The following MAT2B variants were observed in gnomAD, a reference collection of about 807,000 sequenced individuals.
The protein encoded by MAT2B is methionine adenosyltransferase 2 subunit beta.
Under a neutral mutation model 36.1 loss-of-function variants are expected in MAT2B, and 16 were observed. The ratio of observed to expected loss-of-function variants is 0.44; its 90% CI spans 0.30 to 0.67. The LOEUF (loss-of-function observed/expected upper bound fraction) is 0.67, where lower values mean the gene tolerates loss of function less well. Among genes scored for constraint, MAT2B ranks in the 30% least tolerant of loss-of-function variants. The pLI is 0.09. For synonymous variants in MAT2B, 148 were observed against 136.9 expected, an observed-to-expected ratio of 1.08 and a Z score of -0.57; for missense variants, 332 against 398.2, an observed-to-expected ratio of 0.83 and a Z score of 1.42.
chr5:163,503,702 G>T (rs1486002654), upstream of MAT2B, among the ~76,000 whole-genome samples: 3 of 152,134 alleles, frequency 2.0e-5, no homozygotes, highest in African/African-American at 7.2e-5. Flanking sequence ...TGTATATAAA[G>T]TTTCTACATA....
chr5:163,513,686 A>C lies in MAT2B; in HGVS notation c.373+17A>C. The C allele has an allele frequency of 6.3e-7, 1 of 1,590,848 alleles. No individual in the cohort carries two copies. The highest frequency in any genetic ancestry group is 8.6e-7 in the Non-Finnish European group (1 of 1,161,864). ...AGGAAGCAGGTAATGATGACTTTAT[A>C]AAATTTTCATAAAATATTAAGTGAT... On this transcript the variant is annotated intron_variant, in intron 3 of 6. Transcript: ENST00000321757.
At chr5:163,518,068 T>A in intron 6 of MAT2B, 125 bp from the exon 7 acceptor site, 1 of 639,208 alleles carries the variant, frequency 1.6e-6, no homozygotes, top group Non-Finnish European at 2.6e-6. Flanking sequence ...GCCTGGGCAA[T>A]GGAGGGAGAT....
intron 6 of MAT2B, chr5:163,517,964 T>G (rs575258882): frequency 2.0e-6 from 1 of 506,828 alleles, no homozygotes; most frequent in African/African-American, 1.9e-5. Context: ...ATATAAAACC[T>G]CAAAATGGCC....
In MAT2B at chr5:163,514,660, T is replaced by C. The variant is rs147215547; in HGVS notation, c.526+666T>C. ...GCATTTTAGTACACATGGAACCTAC[T>C]CTGGGATATCTTACTCCTATCAGTG... On this transcript the variant is annotated intron_variant, in intron 4 of 6. Coordinates refer to ENST00000321757, the MANE Select transcript of MAT2B (RefSeq NM_013283.5). Among the ~76,000 whole-genome samples, 355 of 152,290 alleles carry C rather than the reference T, an allele frequency of 2.3e-3. 2 individuals carry two copies. The highest frequency in any genetic ancestry group is 8.0e-3 in the African/African-American group (331 of 41,552).
rs192771488 is a variant in MAT2B, at chr5:163,518,329, T to A, written c.971T>A (p.Ile324Asn). The A allele has an allele frequency of 1.2e-6, 2 of 1,613,214 alleles. No homozygotes were observed. The highest frequency in any genetic ancestry group is 1.7e-6 in the Non-Finnish European group (2 of 1,179,650). Reference protein sequence around the residue: ...GIKESLWPFLIDKRWRQTVFH With the variant: ...GIKESLWPFLNDKRWRQTVFH Reference sequence around the variant, plus strand: ...AAAGAATCACTTTGGCCTTTCCTCATTGACAAGAGATGGAGACAAACGGTC... The same window carrying A: ...AAAGAATCACTTTGGCCTTTCCTCAATGACAAGAGATGGAGACAAACGGTC... The change falls in exon 7 of 7, where the codon ATT (isoleucine) becomes AAT (asparagine). Residue 324 changes from isoleucine (I) to asparagine (N), a missense_variant. Transcript: ENST00000321757.
rs879026876 is a variant in MAT2B at position 163,517,247 on chromosome 5, A to C, written c.721-314A>C. The C allele has an allele frequency of 1.5e-5, 3 of 201,006 alleles. No homozygotes were observed. In the South Asian group the frequency reaches 4.0e-4, roughly 27 times the overall value. 12.5% of individuals were successfully genotyped at this position (201,006 alleles called of 1,614,324 possible). A position where few individuals can be genotyped will look rare whatever the true frequency, so the allele number is the denominator to read the frequency against. The stretch of plus-strand genomic sequence containing the variant: ...TTTTTGTTGTAGCTTGGGATAATTA[A>C]AAATACTCATTAAATTGTACTGTTT... On this transcript the variant is annotated intron_variant, in intron 5 of 6. Coordinates refer to ENST00000321757, the MANE Select transcript of MAT2B (RefSeq NM_013283.5).
chr5:163,515,166 A>G (rs994196192), intron 4 of MAT2B, among the ~76,000 whole-genome samples: 2 of 152,254 alleles, frequency 1.3e-5, no homozygotes, highest in Non-Finnish European at 2.9e-5. Context: ...AAGTTTCAAC[A>G]TGAATTTTTG....
intron 1 of MAT2B, among the ~76,000 whole-genome samples, chr5:163,506,860 A>G (rs1178773468): frequency 2.0e-5 from 3 of 152,250 alleles, no homozygotes; most frequent in Admixed American, 2.0e-4. Flanking sequence ...ATTAAAAATG[A>G]AACAACGAAG....
upstream of MAT2B, chr5:163,503,514 T>C: frequency 8.2e-7 from 1 of 1,212,590 alleles, no homozygotes; most frequent in South Asian, 1.2e-5. Context: ...ACCAGAATTG[T>C]TGTGTAAAGA....
rs1760054744 is a variant in MAT2B at position 163,512,005 on chromosome 5, G to A, written c.67G>A (p.Glu23Lys). ...VPGSCRLVEE[E>K]VNIPNRRVLV... ...TCTATCCGCCTTCACCTTTTAGGAGGAAGTTAACATCCCTAATAGGAGGGT... is the reference window on the plus strand; with the variant it reads ...TCTATCCGCCTTCACCTTTTAGGAGAAAGTTAACATCCCTAATAGGAGGGT... Residue 23 changes from glutamate (E) to lysine (K), a missense_variant, in exon 2 of 7, where the codon GAA becomes AAA. By Grantham distance (56) the Glu-to-Lys change is moderately conservative. Coordinates refer to ENST00000321757, the MANE Select transcript of MAT2B (RefSeq NM_013283.5). The A allele has an allele frequency of 1.2e-6, 2 of 1,609,970 alleles. No individual in the cohort carries two copies. The highest frequency in any genetic ancestry group is 1.3e-5 in the African/African-American group (1 of 74,918).
chr5:163,505,900 C>T (rs1400063786), intron 1 of MAT2B, 151 bp downstream of exon 1: 2 of 512,196 alleles, frequency 3.9e-6, no homozygotes, highest in South Asian at 1.1e-4. Flanking sequence ...GCCCCGGATC[C>T]GAGGGGGGCG....
intron 1 of MAT2B, among the ~76,000 whole-genome samples, chr5:163,506,584 G>A (rs1355433633): frequency 6.6e-6 from 1 of 152,108 alleles, no homozygotes; most frequent in East Asian, 1.9e-4. Context: ...TATAGGAGAT[G>A]GCTGTTTCTG....
Position 163,513,668 on chromosome 5 carries a change from A to G in MAT2B, c.372A>G (p.Ala124=). Residue 124 remains alanine (A), a splice_region_variant and synonymous_variant, in exon 3 of 7, where the codon GCA becomes GCG. Coordinates refer to ENST00000321757, the MANE Select transcript of MAT2B (RefSeq NM_013283.5). ...CTTCTGGGAATTTAGCAAAGGAAGC[A>G]GGTAATGATGACTTTATAAAATTTT... ...VDASGNLAKE[A]AAVGAFLIYI... 1 of 1,608,802 alleles carries G rather than the reference A, an allele frequency of 6.2e-7. No individual in the cohort carries two copies. Among genetic ancestry groups the G allele is most frequent in the Non-Finnish European group, 8.5e-7 (1 of 1,175,934 alleles).
Position 163,518,481 on chromosome 5 carries a change from CA to C in MAT2B, c.*119del. ...TTTAATTGTGACTCTTAGGATCTTT[CA>C]GGTAAATGATGCTCTTGCACTAGTG... On this transcript the variant is annotated 3_prime_UTR_variant, in exon 7 of 7. Transcript: ENST00000321757. The C allele has an allele frequency of 1.3e-6, 1 of 784,134 alleles. No homozygotes were observed. The highest frequency in any genetic ancestry group is 2.3e-5 in the South Asian group (1 of 44,340). The allele number at this position is 784,134 out of a possible 1,614,324, so 48.6% of individuals were successfully genotyped here. A position where few individuals can be genotyped will look rare whatever the true frequency, so the allele number is the denominator to read the frequency against.
At chr5:163,503,978 A>C (rs1302069067), upstream of MAT2B, among the ~76,000 whole-genome samples, 1 of 152,168 alleles carries the variant, frequency 6.6e-6, no homozygotes, top group Non-Finnish European at 1.5e-5. Context: ...ATCAAGTCAG[A>C]TTTTCAAAAG....
At chr5:163,503,368 C>T (rs1759878596), upstream of MAT2B, 9 of 1,612,652 alleles carry the variant, frequency 5.6e-6, no homozygotes, top group Non-Finnish European at 7.6e-6. Context: ...CATCCCGTAT[C>T]TGCTCTCCTG....
intron 1 of MAT2B, among the ~76,000 whole-genome samples, chr5:163,511,471 C>CG (rs201369110): frequency 1.8e-5 from 1 of 56,688 alleles, no homozygotes; most frequent in African/African-American, 5.8e-5. Context: ...TTTGGAAGGA[C>CG]GGGTTTTCAC....
At chr5:163,505,273 T>G (rs10064287), upstream of MAT2B, among the ~76,000 whole-genome samples, 1 of 151,970 alleles carries the variant, frequency 6.6e-6, no homozygotes, top group Non-Finnish European at 1.5e-5. Flanking sequence ...TTTATATTGC[T>G]CAGTCGATCC....
At chr5:163,504,116 T>C (rs1461295207), upstream of MAT2B, among the ~76,000 whole-genome samples, 2 of 152,156 alleles carry the variant, frequency 1.3e-5, no homozygotes, top group East Asian at 1.9e-4. Context: ...TTTTCTCCCA[T>C]AGAAAGGTAA....
Sources: allele counts gnomAD v4.1 joint callset (sites outside exome capture counted in the v4.1 genomes callset), GRCh38; gene constraint gnomAD v4.1.1; transcripts MANE v1.5; gene names NCBI Gene and HGNC (gene_info 2026-07-23, HGNC 2026-07-21).